EPB41L4A: variants seen among roughly 807,000 people sequenced by gnomAD.
The protein encoded by EPB41L4A is band 4.1-like protein 4A.
Under a neutral mutation model 108.6 loss-of-function variants are expected in EPB41L4A, and 100 were observed. The observed-to-expected ratio is 0.92, with a 90% confidence interval of 0.78 to 1.09. EPB41L4A has a LOEUF of 1.09. Ranked by LOEUF, EPB41L4A falls within the 50% of genes least tolerant of loss-of-function variation. EPB41L4A has a pLI of 0.00. For synonymous variants in EPB41L4A, 319 were observed against 289.0 expected, an observed-to-expected ratio of 1.10 and a Z score of -1.05; for missense variants, 1,030 against 842.7, an observed-to-expected ratio of 1.22 and a Z score of -2.75.
intron 2 of EPB41L4A, among the ~76,000 whole-genome samples, chr5:112,301,809 A>T (rs938245848): frequency 6.6e-6 from 1 of 152,150 alleles, no homozygotes; most frequent in East Asian, 1.9e-4. Context: ...CATGGTAATA[A>T]CAACTACTTT....
chr5:112,162,284 G>C (rs550712917), downstream of EPB41L4A: 1 of 152,166 alleles, frequency 6.6e-6, no homozygotes, highest in Non-Finnish European at 1.5e-5. Context: ...AGACAGTGAG[G>C]ATGTGAATAA....
At chr5:112,305,644 C>T (rs778454114) in intron 2 of EPB41L4A, among the ~76,000 whole-genome samples, 1 of 152,026 alleles carries the variant, frequency 6.6e-6, no homozygotes, top group African/African-American at 2.4e-5. Flanking sequence ...ATTCTCAGAG[C>T]CTCCTACAAT....
intron 1 of EPB41L4A, among the ~76,000 whole-genome samples, chr5:112,309,234 C>T (rs956733983): frequency 2.6e-5 from 4 of 152,168 alleles, no homozygotes; most frequent in Non-Finnish European, 4.4e-5. Flanking sequence ...AATGAATCCC[C>T]AGTATTCTAT....
chr5:112,348,052 T>A (rs1332812665), intron 1 of EPB41L4A, among the ~76,000 whole-genome samples: 1 of 152,204 alleles, frequency 6.6e-6, no homozygotes. Flanking sequence ...TATGTTTATC[T>A]CCAACCTGCC....
chr5:112,229,718 G>C (rs1258990434), intron 12 of EPB41L4A, among the ~76,000 whole-genome samples: 3 of 152,172 alleles, frequency 2.0e-5, no homozygotes, highest in Non-Finnish European at 4.4e-5. Flanking sequence ...GCCAGGCACG[G>C]TGGCTCACAC....
At chr5:112,382,470 G>A (rs1050788033) in intron 1 of EPB41L4A, among the ~76,000 whole-genome samples, 1 of 152,206 alleles carries the variant, frequency 6.6e-6, no homozygotes, top group Non-Finnish European at 1.5e-5. Flanking sequence ...GGTAAATCCT[G>A]CATGTGTGAG....
intron 18 of EPB41L4A, among the ~76,000 whole-genome samples, chr5:112,179,727 C>T (rs1761050980): frequency 6.6e-6 from 1 of 152,122 alleles, no homozygotes; most frequent in South Asian, 2.1e-4. Flanking sequence ...ATTGAATGCT[C>T]TCCCTTTATG....
chr5:112,282,539 G>A (rs908251553), intron 2 of EPB41L4A, among the ~76,000 whole-genome samples: 12 of 152,102 alleles, frequency 7.9e-5, no homozygotes, highest in Admixed American at 7.9e-4. Context: ...ATTTCACAAG[G>A]CTAAAATCAA....
intron 1 of EPB41L4A, among the ~76,000 whole-genome samples, chr5:112,392,555 A>C (rs1318208804): frequency 6.6e-6 from 1 of 152,318 alleles, no homozygotes; most frequent in South Asian, 2.1e-4. Context: ...CTAAATATAT[A>C]TGCACTCAAT....
Position 112,349,853 on chromosome 5 carries a change from T to C in EPB41L4A, c.100-42363A>G, listed in dbSNP as rs74835479. 5.0e-4 allele frequency among the ~76,000 whole-genome samples: 76 copies of C among 152,274 alleles called. No homozygotes were observed. The East Asian group carries it at 0.014, about 28-fold the overall frequency. ...GAAAGTTCTGGTCAAAGAGGAATGATGAGTTAAAAAATCTTGCAAAGCAAA... is the reference window on the plus strand; with the variant it reads ...GAAAGTTCTGGTCAAAGAGGAATGACGAGTTAAAAAATCTTGCAAAGCAAA... On this transcript the variant is annotated intron_variant, in intron 1 of 22. Coordinates refer to ENST00000261486, the MANE Select transcript of EPB41L4A (RefSeq NM_022140.5).
At chr5:112,152,820 C>CA (rs1252773722) in intron 12 of EPB41L4A, among the ~76,000 whole-genome samples, 2 of 150,948 alleles carry the variant, frequency 1.3e-5, no homozygotes, top group Non-Finnish European at 3.0e-5. Context: ...ATTCTCGAAG[C>CA]AAAAAAAATT....
rs1303514888 is a variant in EPB41L4A, at chr5:112,184,130, C to T, written c.1508G>A (p.Arg503Gln). Residue 503 changes from arginine (R) to glutamine (Q), a missense_variant, in exon 18 of 23, where the codon CGG becomes CAG. By Grantham distance (43) the Arg-to-Gln change is conservative. Coordinates refer to ENST00000261486, the MANE Select transcript of EPB41L4A (RefSeq NM_022140.5). Reference sequence around the variant, plus strand: ...TGAATCAACCATATCATTCTCCTGCCGTATTCTGAAAGGAAAGCCATGCAT... The same window carrying T: ...TGAATCAACCATATCATTCTCCTGCTGTATTCTGAAAGGAAAGCCATGCAT... ...REYRKKRNRI[R>Q]QENDMVDSAP... 18 of 1,613,810 alleles carry T rather than the reference C, an allele frequency of 1.1e-5. 1 individual carries two copies. The highest frequency in any genetic ancestry group is 2.2e-5 in the East Asian group (1 of 44,872).
rs200812889 is a variant in EPB41L4A at position 112,169,017 on chromosome 5, G to C, written c.1828C>G (p.Arg610Gly). ...YRRSQCSDGE[R>G]SVLSEVNSKT... ...TACTTCACTTCCGAGAGAACTGATC[G>C]CTCCCCATCTGAACACTGGGACCTG... Residue 610 changes from arginine to glycine, a missense_variant, in exon 21 of 23, where the codon CGA (arginine) becomes GGA (glycine). Coordinates refer to ENST00000261486, the MANE Select transcript of EPB41L4A (RefSeq NM_022140.5). The C allele has an allele frequency of 6.2e-7, 1 of 1,613,330 alleles. No individual in the cohort carries two copies. Among genetic ancestry groups the C allele is most frequent in the Non-Finnish European group, 8.5e-7 (1 of 1,179,454 alleles).
chr5:112,224,706 A>G (rs1226500663), intron 12 of EPB41L4A, among the ~76,000 whole-genome samples: 1 of 152,140 alleles, frequency 6.6e-6, no homozygotes, highest in African/African-American at 2.4e-5. Context: ...GGCTTAAATA[A>G]TCAGTCAAGA....
chr5:112,250,797 GC>G (rs1463825563), intron 9 of EPB41L4A: 2 of 152,140 alleles, frequency 1.3e-5, no homozygotes, highest in Non-Finnish European at 2.9e-5. Context: ...CCTTTCCTGT[GC>G]AAGACTGCAA....
chr5:112,231,717 G>A (rs954348649), intron 12 of EPB41L4A, among the ~76,000 whole-genome samples: 5 of 145,984 alleles, frequency 3.4e-5, no homozygotes, highest in South Asian at 4.4e-4. Context: ...CCCGGGAGGC[G>A]GAGCTTGCAG....
chr5:112,346,243 T>TTTTTTTTTTTTTA (rs1757667453), intron 1 of EPB41L4A, among the ~76,000 whole-genome samples: 1 of 128,810 alleles, frequency 7.8e-6, no homozygotes, highest in Admixed American at 7.9e-5. Context: ...TTTTTTTTTT[T>TTTTTTTTTTTTTA]GAGAAGGAGT....
intron 1 of EPB41L4A, among the ~76,000 whole-genome samples, chr5:112,352,005 ATAACGGCCATGT>A (rs1758073072): frequency 6.6e-6 from 1 of 152,218 alleles, no homozygotes; most frequent in Non-Finnish European, 1.5e-5. Context: ...CCTCAACATA[ATAACGGCCATGT>A]ATGACAGACC....
chr5:112,320,164 T>C (rs939388711), intron 1 of EPB41L4A, among the ~76,000 whole-genome samples: 4 of 152,198 alleles, frequency 2.6e-5, no homozygotes, highest in African/African-American at 9.6e-5. Context: ...TAGAACTCTC[T>C]TGGTCACCCT....
Sources: allele counts gnomAD v4.1 joint callset (sites outside exome capture counted in the v4.1 genomes callset), GRCh38; gene constraint gnomAD v4.1.1; transcripts MANE v1.5; gene names NCBI Gene and HGNC (gene_info 2026-07-23, HGNC 2026-07-21).